RIMS2: variants seen among roughly 807,000 people sequenced by gnomAD.
The protein encoded by RIMS2 is regulating synaptic membrane exocytosis protein 2.
A neutral mutation model predicts 174.4 loss-of-function variants in RIMS2; 59 were observed. The ratio of observed to expected loss-of-function variants is 0.34; its 90% CI spans 0.27 to 0.42. The LOEUF is 0.42. Ranked by LOEUF, RIMS2 falls within the 10% of genes least tolerant of loss-of-function variation. The pLI, the probability that RIMS2 is intolerant of heterozygous loss-of-function variation, is 1.00. For synonymous variants in RIMS2, 606 were observed against 572.5 expected, an observed-to-expected ratio of 1.06 and a Z score of -0.84; for missense variants, 1,620 against 1,666.3, an observed-to-expected ratio of 0.97 and a Z score of 0.48.
intron 1 of RIMS2, among the ~76,000 whole-genome samples, chr8:103,670,866 G>T (rs975624810): frequency 7.2e-5 from 11 of 152,118 alleles, no homozygotes; most frequent in African/African-American, 2.7e-4. Context: ...CAAATCTCTG[G>T]ACTGTTACCC....
chr8:103,993,474 C>G (rs187288328), intron 17 of RIMS2, among the ~76,000 whole-genome samples: 8 of 152,192 alleles, frequency 5.3e-5, no homozygotes, highest in East Asian at 3.9e-4. Flanking sequence ...AGTCAGCTAC[C>G]AGAAAGTGTA....
rs186140869 is a variant in RIMS2, at chr8:103,528,020, G to C, written c.176+26958G>C. Among the ~76,000 whole-genome samples the C allele has an allele frequency of 1.8e-4, 27 of 152,282 alleles. 1 individual carries two copies. The highest frequency in any genetic ancestry group is 6.5e-4 in the African/African-American group (27 of 41,564). ...ACAGTCCCACCAACAGTGTAAAAGT[G>C]TTTCTATTTCTCCACATCCTCTCCA... On this transcript the variant is annotated intron_variant, in intron 1 of 23. Coordinates refer to ENST00000504942, the Ensembl canonical transcript of RIMS2.
intron 3 of RIMS2, among the ~76,000 whole-genome samples, chr8:103,799,505 A>G (rs944499227): frequency 3.3e-5 from 5 of 152,170 alleles, no homozygotes; most frequent in African/African-American, 1.2e-4. Flanking sequence ...TTAATGTGGC[A>G]TAGGGTATGT....
At chr8:104,167,634 C>A (rs893612624) in intron 19 of RIMS2, among the ~76,000 whole-genome samples, 8 of 152,076 alleles carry the variant, frequency 5.3e-5, no homozygotes, top group African/African-American at 1.9e-4. Context: ...TGTCTATTTA[C>A]CCTGCTGATT....
chr8:104,196,510 T>A (rs773698179), intron 19 of RIMS2, among the ~76,000 whole-genome samples: 2 of 152,092 alleles, frequency 1.3e-5, no homozygotes, highest in Non-Finnish European at 2.9e-5. Flanking sequence ...CTTAGTAACC[T>A]TAATTTCTAG....
chr8:103,885,657 T>A (rs1401540052), exon 4 of RIMS2: 1 of 1,613,012 alleles, frequency 6.2e-7, no homozygotes, highest in Admixed American at 1.7e-5. Flanking sequence ...GAAGAACAAA[T>A]GCGGATCCAT....
At chr8:103,613,668 C>T (rs2388723) in intron 1 of RIMS2, among the ~76,000 whole-genome samples, 18,892 of 152,132 alleles carry the variant, frequency 0.12, 1,272 homozygotes, top group Middle Eastern at 0.22. Context: ...ATAGTCAGTG[C>T]GTCTCAGACC....
rs150029811 is a variant in RIMS2, at chr8:103,662,092, T to A, written c.177-34994T>A. On this transcript the variant is annotated intron_variant, in intron 1 of 23. Coordinates refer to ENST00000504942, the Ensembl canonical transcript of RIMS2. ...ATACAGTAACACTAATGATAGCTGA[T>A]GAGCTAAAAAAAGTTTCCAAAAATC... Among the ~76,000 whole-genome samples the A allele has an allele frequency of 4.2e-3, 644 of 152,342 alleles. 4 individuals are homozygous for A. Among genetic ancestry groups the A allele is most frequent in the African/African-American group, 0.015 (613 of 41,588 alleles).
rs58165267 is a variant in RIMS2, at chr8:104,016,574, T to A, written c.3334+1959T>A. Among the ~76,000 whole-genome samples the A allele has an allele frequency of 3.6e-4, 55 of 152,160 alleles. 1 individual carries two copies. In the East Asian group the frequency reaches 0.01, roughly 29 times the overall value. Reference sequence around the variant, plus strand: ...ACAGCATTTTTATAGTTCTTAATTATTTGCTTAAAATTGGGGGCATAGAAT... The same window carrying A: ...ACAGCATTTTTATAGTTCTTAATTAATTGCTTAAAATTGGGGGCATAGAAT... On this transcript the variant is annotated intron_variant, in intron 19 of 23. Coordinates refer to ENST00000504942, the Ensembl canonical transcript of RIMS2.
At chr8:104,029,938 G>A (rs1420725939) in intron 19 of RIMS2, among the ~76,000 whole-genome samples, 3 of 152,224 alleles carry the variant, frequency 2.0e-5, no homozygotes, top group African/African-American at 7.2e-5. Flanking sequence ...TTTTCCCAAC[G>A]TGGGGGAAAT....
intron 17 of RIMS2, among the ~76,000 whole-genome samples, chr8:103,995,592 GGT>G (rs2154551328): frequency 6.6e-6 from 1 of 152,096 alleles, no homozygotes; most frequent in East Asian, 1.9e-4. Flanking sequence ...AAGAGGTAGT[GGT>G]ATGGGGAATG....
At chr8:103,862,813 G>A (rs1428214093) in intron 3 of RIMS2, among the ~76,000 whole-genome samples, 1 of 152,012 alleles carries the variant, frequency 6.6e-6, no homozygotes, top group Non-Finnish European at 1.5e-5. Flanking sequence ...TTTTGTGTAG[G>A]TTGATTTTGC....
intron 19 of RIMS2, among the ~76,000 whole-genome samples, chr8:104,187,830 G>A (rs906367339): frequency 6.6e-6 from 1 of 151,500 alleles, no homozygotes; most frequent in Non-Finnish European, 1.5e-5. Context: ...TTCAAGCTTG[G>A]TATAAAAAAA....
At chr8:103,682,155 A>C (rs1012097051) in intron 1 of RIMS2, among the ~76,000 whole-genome samples, 3 of 152,082 alleles carry the variant, frequency 2.0e-5, no homozygotes, top group African/African-American at 7.2e-5. Flanking sequence ...ATTTAAATAG[A>C]AATGTTAAGT....
At chr8:103,967,089 A>AAATG (rs1334998566) in intron 15 of RIMS2, among the ~76,000 whole-genome samples, 3 of 151,328 alleles carry the variant, frequency 2.0e-5, no homozygotes, top group Non-Finnish European at 4.4e-5. Flanking sequence ...AGTAGTCCAT[A>AAATG]AATGTTGATT....
At chr8:104,038,461 G>T (rs950906919) in intron 19 of RIMS2, among the ~76,000 whole-genome samples, 1 of 151,842 alleles carries the variant, frequency 6.6e-6, no homozygotes, top group African/African-American at 2.4e-5. Context: ...GGGTTTGTTA[G>T]TTATAGAAGA....
At chr8:104,146,179 C>T (rs1185239628) in intron 19 of RIMS2, among the ~76,000 whole-genome samples, 2 of 116,296 alleles carry the variant, frequency 1.7e-5, no homozygotes, top group Non-Finnish European at 3.2e-5. Flanking sequence ...GCCCGGGCAA[C>T]ACAGTGAGAA....
intron 3 of RIMS2, among the ~76,000 whole-genome samples, chr8:103,809,061 A>G (rs2098669403): frequency 1.3e-5 from 2 of 152,164 alleles, no homozygotes; most frequent in Admixed American, 6.6e-5. Context: ...TCCATGCTCT[A>G]TAGGATGTGG....
chr8:103,583,374 T>G (rs2093724333), intron 1 of RIMS2, among the ~76,000 whole-genome samples: 1 of 152,178 alleles, frequency 6.6e-6, no homozygotes. Context: ...CTTCAGTGCC[T>G]AGACACTGAA....
Sources: allele counts gnomAD v4.1 joint callset (sites outside exome capture counted in the v4.1 genomes callset), GRCh38; gene constraint gnomAD v4.1.1; transcripts MANE v1.5; gene names NCBI Gene and HGNC (gene_info 2026-07-23, HGNC 2026-07-21).